SLAMF6: variants seen among roughly 807,000 people sequenced by gnomAD.
SLAMF6 encodes the protein NK-T-B-antigen.
A neutral mutation model predicts 38.3 loss-of-function variants in SLAMF6; 21 were observed. The observed-to-expected ratio is 0.55, with a 90% CI of 0.39 to 0.79. The LOEUF (loss-of-function observed/expected upper bound fraction) is 0.79. SLAMF6 is among the 30% of genes least tolerant of loss of function. The pLI is 0.00. For missense variants in SLAMF6, 341 were observed against 385.3 expected, an observed-to-expected ratio of 0.89 and a Z score of 0.96; for synonymous variants, 152 against 146.3, an observed-to-expected ratio of 1.04 and a Z score of -0.28.
chr1:160,498,923 C>T (rs537292870), intron 1 of SLAMF6, among the ~76,000 whole-genome samples: 2 of 152,024 alleles, frequency 1.3e-5, no homozygotes, highest in African/African-American at 4.8e-5. Flanking sequence ...CGTCTTTTTG[C>T]TTATTGGTTT....
intron 1 of SLAMF6, among the ~76,000 whole-genome samples, chr1:160,506,080 G>C (rs1385965311): frequency 6.6e-6 from 1 of 151,918 alleles, no homozygotes; most frequent in Non-Finnish European, 1.5e-5. Context: ...CAGAGAGAGA[G>C]AAAAGGGCAT....
At chr1:160,490,514 C>T in intron 4 of SLAMF6, 61 bp downstream of exon 4, 1 of 1,583,874 alleles carries the variant, frequency 6.3e-7, no homozygotes, top group African/African-American at 1.4e-5. Context: ...GAATCAGAGG[C>T]CCCAAACTCT....
chr1:160,516,762 G>A (rs1654763592), intron 1 of SLAMF6, among the ~76,000 whole-genome samples: 2 of 152,240 alleles, frequency 1.3e-5, no homozygotes, highest in Admixed American at 1.3e-4. Flanking sequence ...AATGGGGAAA[G>A]GATTCACTAT....
At chr1:160,519,482 G>T (rs923291914) in intron 1 of SLAMF6, among the ~76,000 whole-genome samples, 7 of 152,112 alleles carry the variant, frequency 4.6e-5, no homozygotes, top group Non-Finnish European at 7.4e-5. Context: ...ATAAAAACAG[G>T]TAGTCAAATA....
chr1:160,493,325 A>G (rs1402756421), intron 2 of SLAMF6, among the ~76,000 whole-genome samples: 1 of 152,022 alleles, frequency 6.6e-6, no homozygotes, highest in Non-Finnish European at 1.5e-5. Context: ...CTTGGCTCAA[A>G]TGTCATCTTT....
chr1:160,516,742 A>C (rs778730662), intron 1 of SLAMF6, among the ~76,000 whole-genome samples: 1 of 152,228 alleles, frequency 6.6e-6, no homozygotes, highest in Non-Finnish European at 1.5e-5. Context: ...AAAACGTGAC[A>C]AAAACAAGCA....
chr1:160,491,179 C>T lies in SLAMF6; in HGVS notation c.592G>A (p.Glu198Lys). 1 of 1,614,110 alleles carries T rather than the reference C, an allele frequency of 6.2e-7. No individual in the cohort carries two copies. The highest frequency in any genetic ancestry group is 8.5e-7 in the Non-Finnish European group (1 of 1,179,994). ...SSEQDYTCIA[E>K]NAVSNLSFSV... ...AAGGATAAATTACTGACAGCATTCT[C>T]TGCTATGCAGGTGTAGTCCTGTTCA... The change falls in exon 3 of 8, where the codon GAG (glutamate) becomes AAG (lysine). Residue 198 changes from glutamate to lysine, a missense_variant. Transcript: ENST00000368057.
Position 160,490,608 on chromosome 1 carries a change from T to C in SLAMF6, c.724A>G (p.Ile242Val). The C allele has an allele frequency of 1.9e-6, 3 of 1,613,872 alleles. No homozygotes were observed. The highest frequency in any genetic ancestry group is 2.5e-6 in the Non-Finnish European group (3 of 1,179,896). Residue 242 changes from isoleucine (I) to valine (V), a missense_variant, in exon 4 of 8, where the codon ATA (isoleucine) becomes GTA (valine). Coordinates refer to ENST00000368057, the MANE Select transcript of SLAMF6 (RefSeq NM_001184714.2). ...SGICIVFGFI[I>V]LLLLVLRKRR... ...TTCCTCAAAACAAGTAACAGCAGTA[T>C]GATGAAACCGAAGACTATGCATATC... is the stretch of plus-strand genomic sequence containing the variant.
chr1:160,497,128 G>T (rs1309018535), intron 1 of SLAMF6, among the ~76,000 whole-genome samples: 1 of 152,070 alleles, frequency 6.6e-6, no homozygotes, highest in Non-Finnish European at 1.5e-5. Flanking sequence ...CTCTCAGAAA[G>T]ATTATAGTTT....
intron 1 of SLAMF6, among the ~76,000 whole-genome samples, chr1:160,515,492 C>T (rs1654694610): frequency 1.3e-5 from 2 of 152,182 alleles, no homozygotes; most frequent in Non-Finnish European, 2.9e-5. Context: ...AGGGACCCTT[C>T]CCTAATTCAT....
intron 1 of SLAMF6, among the ~76,000 whole-genome samples, chr1:160,508,178 CA>C (rs1654287578): frequency 6.6e-6 from 1 of 151,950 alleles, no homozygotes; most frequent in Admixed American, 6.6e-5. Flanking sequence ...CATATGGAAC[CA>C]AAAAAGAGCC....
chr1:160,508,171 A>G (rs982902394), intron 1 of SLAMF6, among the ~76,000 whole-genome samples: 1 of 152,198 alleles, frequency 6.6e-6, no homozygotes, highest in African/African-American at 2.4e-5. Context: ...TAAAGTTCAT[A>G]TGGAACCAAA....
At chr1:160,501,350 G>A (rs1653881955) in intron 1 of SLAMF6, among the ~76,000 whole-genome samples, 1 of 152,212 alleles carries the variant, frequency 6.6e-6, no homozygotes, top group African/African-American at 2.4e-5. Context: ...GCTTGCCTCT[G>A]CATTGCCCTC....
intron 1 of SLAMF6, among the ~76,000 whole-genome samples, chr1:160,515,122 CAAA>C (rs1401618013): frequency 2.7e-5 from 4 of 150,926 alleles, no homozygotes; most frequent in Admixed American, 6.6e-5. Flanking sequence ...GCTAGACTAA[CAAA>C]GAAGAAAAGA....
intron 6 of SLAMF6, 113 bp downstream of exon 6, chr1:160,488,975 T>C (rs1653117570): frequency 4.2e-6 from 4 of 946,944 alleles, no homozygotes; most frequent in Non-Finnish European, 6.8e-6. Context: ...TCGCTGTGGC[T>C]GTCTTCTCCT....
intron 5 of SLAMF6, 113 bp from the exon 6 acceptor site, chr1:160,489,283 T>C (rs558319650): frequency 6.5e-5 from 63 of 964,662 alleles, no homozygotes; most frequent in Admixed American, 1.1e-4. Flanking sequence ...GTTTGAAGCA[T>C]CTCCTTTCCT....
At chr1:160,506,685 C>T (rs866391344) in intron 1 of SLAMF6, among the ~76,000 whole-genome samples, 3 of 152,238 alleles carry the variant, frequency 2.0e-5, no homozygotes, top group South Asian at 2.1e-4. Flanking sequence ...ATTTAAAAGA[C>T]AAATGAGTAA....
At chr1:160,495,952 T>C in intron 2 of SLAMF6, 109 bp downstream of exon 2, 1 of 975,788 alleles carries the variant, frequency 1.0e-6, no homozygotes, top group South Asian at 1.6e-5. Context: ...TGACTCCAAA[T>C]GCCATATTCT....
intron 1 of SLAMF6, among the ~76,000 whole-genome samples, chr1:160,511,356 G>C (rs555887758): frequency 2.0e-5 from 3 of 152,134 alleles, no homozygotes; most frequent in African/African-American, 2.4e-5. Flanking sequence ...TGTGGTACTG[G>C]CATAAAGATA....
Sources: allele counts gnomAD v4.1 joint callset (sites outside exome capture counted in the v4.1 genomes callset), GRCh38; gene constraint gnomAD v4.1.1; transcripts MANE v1.5; gene names NCBI Gene and HGNC (gene_info 2026-07-23, HGNC 2026-07-21).